PREPL: variants seen among roughly 807,000 people sequenced by gnomAD.
PREPL encodes the protein prolyl endopeptidase-like.
Under a neutral mutation model 70.6 loss-of-function variants are expected in PREPL, and 77 were observed. That is an observed-to-expected ratio of 1.09 (90% CI 0.91 to 1.32). PREPL has a LOEUF of 1.32. Ranked by LOEUF, PREPL falls within the 40% of genes most tolerant of loss-of-function variation. The pLI is 0.00. For synonymous variants in PREPL, 315 were observed against 264.8 expected (o/e 1.19, Z -1.84); for missense variants, 1,002 against 778.2 (o/e 1.29, Z -3.42).
intron 1 of PREPL, among the ~76,000 whole-genome samples, chr2:44,349,773 G>A (rs1370831098): frequency 2.0e-5 from 3 of 151,858 alleles, no homozygotes; most frequent in Non-Finnish European, 2.9e-5. Flanking sequence ...AATACGAGGA[G>A]AGAAAAAGGC....
chr2:44,323,623 C>T (rs932508504), intron 10 of PREPL, among the ~76,000 whole-genome samples: 2 of 152,150 alleles, frequency 1.3e-5, no homozygotes, highest in African/African-American at 2.4e-5. Flanking sequence ...TGACATATAA[C>T]AAGAAATGGT....
In PREPL at chr2:44,321,386, G is replaced by T; in HGVS notation, c.1887C>A (p.Phe629Leu). 1.9e-6 allele frequency: 3 copies of T among 1,612,042 alleles called. No homozygotes were observed. Among genetic ancestry groups the T allele is most frequent in the Non-Finnish European group, 8.5e-7 (1 of 1,178,530 alleles). Reference protein sequence around the residue: ...EELGLDSTSVFEDLKKYLKF With the variant: ...EELGLDSTSVLEDLKKYLKF ...ATTTCAGGTATTTCTTAAGATCCTC[G>T]AAAACACTGGTGCTGTCAAGTCCAA... The change falls in exon 14 of 14, where the codon TTC (phenylalanine) becomes TTA (leucine). Residue 629 changes from phenylalanine to leucine, a missense_variant. Physicochemically the swap from Phe to Leu is conservative, Grantham distance 22. Coordinates refer to ENST00000409411, the MANE Select transcript of PREPL (RefSeq NM_001171613.2).
intron 1 of PREPL, among the ~76,000 whole-genome samples, chr2:44,360,866 C>A (rs1436512857): frequency 3.3e-5 from 5 of 152,114 alleles, no homozygotes; most frequent in Admixed American, 1.3e-4. Flanking sequence ...GGAAGTCTTC[C>A]ACAAAATGCC....
chr2:44,326,095 G>A (rs763845684), intron 10 of PREPL, among the ~76,000 whole-genome samples: 5 of 152,180 alleles, frequency 3.3e-5, no homozygotes, highest in Non-Finnish European at 5.9e-5. Context: ...GAGTCACAGC[G>A]TGCTTTGCCT....
intron 8 of PREPL, among the ~76,000 whole-genome samples, chr2:44,330,565 A>G (rs970214500): frequency 6.6e-6 from 1 of 152,168 alleles, no homozygotes; most frequent in African/African-American, 2.4e-5. Flanking sequence ...TTTGTTCTGT[A>G]TTTTTGCATC....
At chr2:44,349,862 T>C (rs1306688143) in intron 1 of PREPL, among the ~76,000 whole-genome samples, 1 of 152,138 alleles carries the variant, frequency 6.6e-6, no homozygotes, top group East Asian at 1.9e-4. Context: ...ATGAAATGGG[T>C]AATTTTCCAG....
chr2:44,322,012 G>A, intron 12 of PREPL, 112 bp from the exon 13 acceptor site: 2 of 1,133,660 alleles, frequency 1.8e-6, no homozygotes, highest in Non-Finnish European at 2.4e-6. Flanking sequence ...AATAGTAAAG[G>A]AATAAAAAGC....
chr2:44,358,130 T>C (rs1677248676), intron 1 of PREPL, among the ~76,000 whole-genome samples: 1 of 152,144 alleles, frequency 6.6e-6, no homozygotes, highest in Non-Finnish European at 1.5e-5. Flanking sequence ...AGATAGTTTC[T>C]AAAATGAGAA....
intron 1 of PREPL, among the ~76,000 whole-genome samples, chr2:44,358,385 A>T (rs1326579664): frequency 6.6e-6 from 1 of 152,206 alleles, no homozygotes; most frequent in African/African-American, 2.4e-5. Context: ...TCAGTATGCG[A>T]CAAAACCAGA....
chr2:44,320,315 C>T lies in PREPL; in HGVS notation c.*1041G>A, dbSNP rs773188771. The T allele has an allele frequency of 1.2e-6, 2 of 1,614,140 alleles. No individual in the cohort carries two copies. The highest frequency in any genetic ancestry group is 2.2e-5 in the South Asian group (2 of 91,084). On this transcript the variant is annotated 3_prime_UTR_variant, in exon 14 of 14. Transcript: ENST00000409411. ...TTTGCCATTTGAGGAATGACAGCCACTATGTTGTGTACACAAGAGAGCTGG... is the reference window on the plus strand; with the variant it reads ...TTTGCCATTTGAGGAATGACAGCCATTATGTTGTGTACACAAGAGAGCTGG...
chr2:44,321,308 C>A lies in PREPL; in HGVS notation c.*48G>T. ...TTTGCTAACTCAATTGGAAGTAAGA[C>A]TATGAAATATTTCAGTGTGTTTCCA... is the stretch of plus-strand genomic sequence containing the variant. On this transcript the variant is annotated 3_prime_UTR_variant, in exon 14 of 14. Transcript: ENST00000409411. 7.0e-7 allele frequency: 1 copy of A among 1,436,418 alleles called. No individual in the cohort carries two copies. The highest frequency in any genetic ancestry group is 9.7e-7 in the Non-Finnish European group (1 of 1,030,062). 89.0% of individuals were successfully genotyped at this position (1,436,418 alleles called of 1,614,324 possible). A position where few individuals can be genotyped will look rare whatever the true frequency, so the allele number is the denominator to read the frequency against.
At chr2:44,353,309 C>T (rs745477752) in intron 1 of PREPL, among the ~76,000 whole-genome samples, 11 of 150,014 alleles carry the variant, frequency 7.3e-5, no homozygotes, top group Non-Finnish European at 1.5e-4. Context: ...ACAGGCCAGG[C>T]GCAGTGGCTC....
chr2:44,341,518 T>C (rs1178334473), intron 5 of PREPL, among the ~76,000 whole-genome samples: 3 of 152,082 alleles, frequency 2.0e-5, no homozygotes, highest in Admixed American at 6.6e-5. Flanking sequence ...AGTTTGGTGA[T>C]GACAAATTAA....
At chr2:44,326,624 T>G (rs1673526512) in intron 10 of PREPL, 88 bp downstream of exon 10, 1 of 1,368,062 alleles carries the variant, frequency 7.3e-7, no homozygotes, top group Admixed American at 1.7e-5. Context: ...CATGAGCCGC[T>G]GTGCCAGCCC....
intron 5 of PREPL, among the ~76,000 whole-genome samples, chr2:44,341,911 ATACTT>A (rs1235336259): frequency 6.6e-6 from 1 of 152,162 alleles, no homozygotes; most frequent in Non-Finnish European, 1.5e-5. Flanking sequence ...GTAGCAACAC[ATACTT>A]TAAATTCTTC....
Position 44,321,062 on chromosome 2 carries a change from G to T in PREPL, c.*294C>A, listed in dbSNP as rs866721680. On this transcript the variant is annotated 3_prime_UTR_variant, in exon 14 of 14. Coordinates refer to ENST00000409411, the MANE Select transcript of PREPL (RefSeq NM_001171613.2). ...GTAAACTGCTCAACTGTTCTGACTG[G>T]AAGGGAGGCCTGGAGCTCTGCTATC... is the stretch of plus-strand genomic sequence containing the variant. The T allele has an allele frequency of 1.2e-4, 51 of 413,798 alleles. No homozygotes were observed. Among genetic ancestry groups the T allele is most frequent in the Admixed American group, 3.1e-4 (8 of 25,446 alleles). The allele number at this position is 413,798 out of a possible 1,614,324, so 25.6% of individuals were successfully genotyped here.
At chr2:44,333,468 T>C (rs1029169982) in intron 7 of PREPL, among the ~76,000 whole-genome samples, 4 of 151,864 alleles carry the variant, frequency 2.6e-5, no homozygotes, top group Non-Finnish European at 5.9e-5. Flanking sequence ...TGAGTAATTG[T>C]AGAAAGAGCA....
At chr2:44,359,574 G>C in intron 1 of PREPL, 1 of 1,613,144 alleles carries the variant, frequency 6.2e-7, no homozygotes, top group Non-Finnish European at 8.5e-7. Flanking sequence ...CACTTGGTTA[G>C]GTGATATTTT....
chr2:44,351,407 G>A (rs534592482), intron 1 of PREPL, among the ~76,000 whole-genome samples: 2 of 151,870 alleles, frequency 1.3e-5, no homozygotes, highest in African/African-American at 4.8e-5. Flanking sequence ...TGACCAAGAT[G>A]AACTTGTATA....
Sources: gnomAD v4.1 joint callset for allele counts (sites outside exome capture counted in the v4.1 genomes callset) on GRCh38, gnomAD v4.1.1 for gene constraint, MANE v1.5 for transcripts, NCBI Gene and HGNC (gene_info 2026-07-23, HGNC 2026-07-21) for gene names.